ATR: variants seen among roughly 807,000 people sequenced by gnomAD.
ATR encodes serine/threonine-protein kinase ATR.
A neutral mutation model predicts 305.3 loss-of-function variants in ATR; 142 were observed. That is an observed-to-expected ratio of 0.47 (90% CI 0.41 to 0.53). The LOEUF (loss-of-function observed/expected upper bound fraction) is 0.53. ATR is among the 20% of genes least tolerant of loss of function. The pLI is 0.00. For synonymous variants in ATR, 1,050 were observed against 1,068.1 expected (o/e 0.98, Z 0.33); for missense variants, 2,135 against 3,133.1 (o/e 0.68, Z 7.60).
chr3:142,553,958 G>C lies in ATR; in HGVS notation c.2399C>G (p.Thr800Arg), dbSNP rs2034571901. ...AGTTCCAAGAACTGCTTTTACATCT[G>C]TTTCATCTTCTCTAAAATCAAGATG... ...CKHLDFREDE[T>R]DVKAVLGTLL... Residue 800 changes from threonine to arginine, a missense_variant, in exon 11 of 47, where the codon ACA becomes AGA. Around this residue, in one of 9 missense-constraint regions of ATR, gnomAD observed 530 missense variants for 766.8 expected, o/e 0.69. Transcript: ENST00000350721. 6.2e-7 allele frequency: 1 copy of C among 1,609,874 alleles called. No individual in the cohort carries two copies. The highest frequency in any genetic ancestry group is 1.7e-5 in the Admixed American group (1 of 59,474).
chr3:142,505,055 A>G (rs1379578804), intron 29 of ATR, 84 bp downstream of exon 29: 1 of 1,548,416 alleles, frequency 6.5e-7, no homozygotes, highest in Non-Finnish European at 8.9e-7. Context: ...AAAACAAAAC[A>G]AAACAAAACA....
chr3:142,471,782 A>G (rs981613959), intron 36 of ATR, among the ~76,000 whole-genome samples: 1 of 152,210 alleles, frequency 6.6e-6, no homozygotes, highest in Non-Finnish European at 1.5e-5. Context: ...TCAATACAAA[A>G]CATTTGTTAA....
intron 40 of ATR, 49 bp from the exon 41 acceptor site, chr3:142,465,289 A>T: frequency 6.8e-7 from 1 of 1,476,344 alleles, no homozygotes; most frequent in Non-Finnish European, 9.4e-7. Flanking sequence ...ATTTCTGTGT[A>T]AATGTCTATA....
At chr3:142,452,143 G>A (rs1437261336) in intron 46 of ATR, 1 of 1,017,966 alleles carries the variant, frequency 9.8e-7, no homozygotes, top group Admixed American at 5.6e-5. Context: ...AAGACAAAGG[G>A]TTAAGGATGA....
At chr3:142,490,681 C>T (rs1008946648) in intron 35 of ATR, among the ~76,000 whole-genome samples, 1 of 152,006 alleles carries the variant, frequency 6.6e-6, no homozygotes, top group Admixed American at 6.6e-5. Flanking sequence ...GCAATTTTGT[C>T]TATCATATGA....
At chr3:142,544,080 A>G (rs1055529251) in intron 16 of ATR, among the ~76,000 whole-genome samples, 3 of 152,154 alleles carry the variant, frequency 2.0e-5, no homozygotes, top group Non-Finnish European at 4.4e-5. Flanking sequence ...GTGATCTTCT[A>G]TAAGTTACTT....
rs1231927463 is a variant in ATR, at chr3:142,556,500, G to A, written c.1961C>T (p.Ala654Val). ...GCTCTGCAGGGCCCAGTTGTAAACTGCTGTTCTCCACTCAAGGAATATTCT... is the reference window on the plus strand; with the variant it reads ...GCTCTGCAGGGCCCAGTTGTAAACTACTGTTCTCCACTCAAGGAATATTCT... ...PRRIFLEWRT[A>V]VYNWALQSSH... is the part of the protein sequence containing the mutation. The change falls in exon 9 of 47, where the codon GCA becomes GTA. Residue 654 changes from alanine (A) to valine (V), a missense_variant. Coordinates refer to ENST00000350721, the MANE Select transcript of ATR (RefSeq NM_001184.4). The A allele has an allele frequency of 6.2e-7, 1 of 1,614,044 alleles. No individual in the cohort carries two copies. Among genetic ancestry groups the A allele is most frequent in the African/African-American group, 1.3e-5 (1 of 75,032 alleles).
At chr3:142,472,075 T>TGA (rs1400225434) in intron 36 of ATR, 1 of 141,140 alleles carries the variant, frequency 7.1e-6, no homozygotes, top group Non-Finnish European at 1.5e-5. Flanking sequence ...TAAGCCTGAA[T>TGA]AGTATTCCAT....
At chr3:142,499,794 T>A in intron 30 of ATR, 76 bp from the exon 31 acceptor site, 1 of 1,156,304 alleles carries the variant, frequency 8.6e-7, no homozygotes, top group Non-Finnish European at 1.3e-6. Flanking sequence ...TTGGTTTACA[T>A]ACTCTATTTA....
intron 46 of ATR, chr3:142,451,291 G>GT: frequency 8.1e-7 from 1 of 1,233,380 alleles, no homozygotes; most frequent in Non-Finnish European, 1.0e-6. Context: ...AGGGCCAAGA[G>GT]TGTGTGGGCA....
rs532384984 is a variant in ATR at position 142,561,717 on chromosome 3, C to T, written c.1171-296G>A. ...AAAAATTCTGTAAGGGAATTACCAA[C>T]TTTCTTCATGTAACTTTAATCCAGC... is the stretch of plus-strand genomic sequence containing the variant. On this transcript the variant is annotated intron_variant, in intron 4 of 46. Coordinates refer to ENST00000350721, the MANE Select transcript of ATR (RefSeq NM_001184.4). Among the ~76,000 whole-genome samples, 32 of 152,236 alleles carry T rather than the reference C, an allele frequency of 2.1e-4. No homozygotes were observed. The South Asian group carries it at 6.6e-3, about 32-fold the overall frequency.
chr3:142,501,673 C>T (rs748639550), intron 30 of ATR, among the ~76,000 whole-genome samples: 9 of 152,080 alleles, frequency 5.9e-5, no homozygotes, highest in Non-Finnish European at 1.2e-4. Flanking sequence ...ACATGCTCGT[C>T]GTCACAATTA....
intron 3 of ATR, among the ~76,000 whole-genome samples, chr3:142,563,547 T>TAAA (rs973303038): frequency 1.3e-5 from 2 of 152,208 alleles, no homozygotes; most frequent in African/African-American, 4.8e-5. Flanking sequence ...ACTTAATGGA[T>TAAA]AAATGTATGT....
chr3:142,460,397 T>C lies in ATR; in HGVS notation c.7193-1014A>G, dbSNP rs2108263708. ...ATGTAATGTTGTTAAGATAAAGTCATTAAGGTGGGCCCTTAATTCAATAAT... is the reference window on the plus strand; with the variant it reads ...ATGTAATGTTGTTAAGATAAAGTCACTAAGGTGGGCCCTTAATTCAATAAT... On this transcript the variant is annotated intron_variant, in intron 42 of 46. Transcript: ENST00000350721. Among the ~76,000 whole-genome samples the C allele has an allele frequency of 2.0e-5, 3 of 152,274 alleles. No individual in the cohort carries two copies. The South Asian group carries it at 6.2e-4, about 32-fold the overall frequency.
chr3:142,462,443 C>T (rs2071039336), intron 41 of ATR, among the ~76,000 whole-genome samples: 1 of 150,898 alleles, frequency 6.6e-6, no homozygotes, highest in Non-Finnish European at 1.5e-5. Flanking sequence ...AACATTAAGT[C>T]TTTAGGCACA....
intron 13 of ATR, among the ~76,000 whole-genome samples, 192 bp from the exon 14 acceptor site, chr3:142,550,494 T>C (rs1482775030): frequency 6.6e-6 from 1 of 152,206 alleles, no homozygotes; most frequent in Non-Finnish European, 1.5e-5. Flanking sequence ...ATAATCAGAC[T>C]TAGTTAAAAA....
intron 46 of ATR, chr3:142,451,099 GA>G: frequency 2.4e-6 from 3 of 1,274,088 alleles, no homozygotes; most frequent in Non-Finnish European, 3.0e-6. Context: ...GGTCAATTGT[GA>G]AACAGCCCCT....
intron 16 of ATR, among the ~76,000 whole-genome samples, chr3:142,543,918 G>A (rs374121909): frequency 2.0e-5 from 3 of 152,016 alleles, no homozygotes; most frequent in African/African-American, 7.2e-5. Context: ...CAATCCTCCT[G>A]CTTTGGCCTC....
In ATR at chr3:142,549,897, G is replaced by A. The variant is rs138362196; in HGVS notation, c.2977-224C>T. 4.3e-4 allele frequency among the ~76,000 whole-genome samples: 65 copies of A among 152,170 alleles called. No homozygotes were observed. In the East Asian group the frequency reaches 4.4e-3, roughly 10 times the overall value. Reference sequence around the variant, plus strand: ...TCATATTAGACTTTGAATTGCCAACGGAACAAATCATAGCACCAAAGACAT... The same window carrying A: ...TCATATTAGACTTTGAATTGCCAACAGAACAAATCATAGCACCAAAGACAT... On this transcript the variant is annotated intron_variant, in intron 14 of 46. Transcript: ENST00000350721.
Sources: gnomAD v4.1 joint callset for allele counts (sites outside exome capture counted in the v4.1 genomes callset) on GRCh38, gnomAD v4.1.1 for gene constraint, gnomAD v4.1.1 regional missense constraint, MANE v1.5 for transcripts, NCBI Gene and HGNC (gene_info 2026-07-23, HGNC 2026-07-21) for gene names.